Variants in WDR35 observed in about 807,000 individuals in gnomAD.
The protein encoded by WDR35 is WD repeat-containing protein 35.
A neutral mutation model predicts 158.3 loss-of-function variants in WDR35; 118 were observed. The ratio of observed to expected loss-of-function variants is 0.75; its 90% CI spans 0.64 to 0.87. The LOEUF is 0.87. Ranked by LOEUF, WDR35 falls within the 40% of genes least tolerant of loss-of-function variation. WDR35 has a pLI of 0.00. For missense variants in WDR35, 1,263 were observed against 1,405.8 expected (o/e 0.90, Z 1.62); for synonymous variants, 448 against 476.1 (o/e 0.94, Z 0.77).
chr2:19,937,994 G>A (rs1302059491), intron 18 of WDR35, 48 bp from the exon 19 acceptor site: 1 of 1,594,960 alleles, frequency 6.3e-7, no homozygotes. Flanking sequence ...GCAAATTACT[G>A]ACAAACTAGT....
At chr2:19,956,541 G>A (rs1671438675) in intron 11 of WDR35, among the ~76,000 whole-genome samples, 1 of 151,252 alleles carries the variant, frequency 6.6e-6, no homozygotes, top group South Asian at 2.1e-4. Flanking sequence ...GTTTAAGAGA[G>A]ATAACAATAT....
intron 4 of WDR35, among the ~76,000 whole-genome samples, chr2:19,979,617 T>C (rs1362884420): frequency 1.3e-5 from 2 of 152,198 alleles, no homozygotes; most frequent in African/African-American, 4.8e-5. Context: ...CATGGGCAAC[T>C]CTGGCCTGCA....
intron 22 of WDR35, 109 bp from the exon 23 acceptor site, chr2:19,932,556 T>C (rs1448325500): frequency 2.3e-6 from 3 of 1,328,146 alleles, no homozygotes; most frequent in Non-Finnish European, 3.2e-6. Flanking sequence ...ATTTCAAAAT[T>C]AAAAACTGGT....
chr2:19,913,576 G>A lies in WDR35; in HGVS notation c.3495C>T (p.Cys1165=), dbSNP rs1475940439. 1 of 1,613,814 alleles carries A rather than the reference G, an allele frequency of 6.2e-7. No individual in the cohort carries two copies. The highest frequency in any genetic ancestry group is 8.5e-7 in the Non-Finnish European group (1 of 1,179,946). The change falls in exon 27 of 27, where the codon TGC becomes TGT. Residue 1165 remains cysteine, a synonymous_variant. Coordinates refer to ENST00000281405, the MANE Select transcript of WDR35 (RefSeq NM_020779.4). ...CATTCCTTTATCCCACTGGACTATG[G>A]CATAAGGGGCAGAAGCTGTAGTGGC... ...EISHYSFCPL[C]HSPVG is the part of the protein sequence containing the mutation.
chr2:19,972,554 T>C (rs560534095), intron 8 of WDR35, among the ~76,000 whole-genome samples: 3 of 152,164 alleles, frequency 2.0e-5, no homozygotes, highest in African/African-American at 4.8e-5. Context: ...CCTTGAAAAC[T>C]ATGCTTTTTT....
chr2:19,938,179 G>C, intron 18 of WDR35, 86 bp downstream of exon 18: 1 of 1,551,388 alleles, frequency 6.4e-7, no homozygotes, highest in Non-Finnish European at 8.9e-7. Context: ...CTCCCATCAG[G>C]AGGATAGTAG....
chr2:19,957,973 C>T (rs572142978), intron 11 of WDR35, among the ~76,000 whole-genome samples: 5 of 152,340 alleles, frequency 3.3e-5, no homozygotes, highest in African/African-American at 9.6e-5. Context: ...TTGGAATTCA[C>T]ATATAAATAA....
chr2:19,940,572 A>T (rs1670840335), intron 17 of WDR35, among the ~76,000 whole-genome samples: 1 of 152,212 alleles, frequency 6.6e-6, no homozygotes, highest in South Asian at 2.1e-4. Context: ...AGGTAATAAC[A>T]GCCCAGACTC....
At chr2:19,953,767 CA>C in intron 12 of WDR35, 66 bp downstream of exon 12, 1 of 1,602,388 alleles carries the variant, frequency 6.2e-7, no homozygotes, top group South Asian at 1.1e-5. Flanking sequence ...TGACAATTTA[CA>C]ATTACTATGT....
Position 19,980,772 on chromosome 2 carries a change from C to CT in WDR35, c.225dup (p.Val76SerfsTer6). On this transcript the variant is annotated frameshift_variant, in exon 4 of 27. Transcript: ENST00000281405. LOFTEE classifies it high-confidence loss of function. The stretch of plus-strand genomic sequence containing the variant: ...TGATACTGCTCATTCCATGTTACAA[C>CT]TTGAACAGAACCTAGAACATTATAA... 1 of 1,613,680 alleles carries CT rather than the reference C, an allele frequency of 6.2e-7. No individual in the cohort carries two copies. The highest frequency in any genetic ancestry group is 1.1e-5 in the South Asian group (1 of 91,072).
chr2:19,948,622 A>T (rs1216950633), intron 13 of WDR35, among the ~76,000 whole-genome samples: 1 of 152,242 alleles, frequency 6.6e-6, no homozygotes, highest in Non-Finnish European at 1.5e-5. Flanking sequence ...AAATGTAAGA[A>T]GGCATTGCAC....
At chr2:19,942,289 A>G (rs1442719687) in intron 16 of WDR35, among the ~76,000 whole-genome samples, 1 of 152,196 alleles carries the variant, frequency 6.6e-6, no homozygotes, top group Non-Finnish European at 1.5e-5. Context: ...GATAAACACT[A>G]TATTTGTATG....
rs1558317170 is a variant in WDR35, at chr2:19,912,857, T to C, written c.*701A>G. 1 of 152,194 alleles carries C rather than the reference T, an allele frequency of 6.6e-6. No individual in the cohort carries two copies. Among genetic ancestry groups the C allele is most frequent in the Non-Finnish European group, 1.5e-5 (1 of 68,032 alleles). The allele number at this position is 152,194 out of a possible 1,614,324, so 9.4% of individuals were successfully genotyped here. ...TTCAACAGAAGCTATAACTACAAAA[T>C]GGATATTTCTGTTTAAGTTATCTTC... On this transcript the variant is annotated 3_prime_UTR_variant, in exon 27 of 27. Transcript: ENST00000281405.
rs1204495163 is a variant in WDR35, at chr2:19,913,648, G to A, written c.3423C>T (p.Phe1141=). 1 of 1,613,948 alleles carries A rather than the reference G, an allele frequency of 6.2e-7. No homozygotes were observed. Among genetic ancestry groups the A allele is most frequent in the Non-Finnish European group, 8.5e-7 (1 of 1,179,970 alleles). Residue 1141 remains phenylalanine (F), a synonymous_variant, in exon 27 of 27, where the codon TTC becomes TTT. Transcript: ENST00000281405. Reference sequence around the variant, plus strand: ...CGTGTTTGCATACACTGCACATCCAGAATTGATACTCAGTGATTGGGCTTC... The same window carrying A: ...CGTGTTTGCATACACTGCACATCCAAAATTGATACTCAGTGATTGGGCTTC... ...ATGSPITEYQ[F]WMCSVCKHGV...
At chr2:19,919,592 G>C (rs953417496) in intron 25 of WDR35, among the ~76,000 whole-genome samples, 3 of 152,124 alleles carry the variant, frequency 2.0e-5, no homozygotes, top group Admixed American at 6.5e-5. Flanking sequence ...GCAGTGTGTA[G>C]AGGAAAATTT....
intron 2 of WDR35, among the ~76,000 whole-genome samples, chr2:19,988,549 C>G (rs753909020): frequency 6.6e-6 from 1 of 152,140 alleles, no homozygotes; most frequent in Non-Finnish European, 1.5e-5. Context: ...TAGTAAGATC[C>G]TCAGCTAACT....
rs763793890 is a variant in WDR35 at position 19,932,399 on chromosome 2, C to A, written c.2707G>T (p.Gly903Ter). The change falls in exon 23 of 27, where the codon GGA (glycine) becomes TGA (stop). Residue 903 changes from glycine (G) to a stop codon, truncating the protein, a stop_gained. Transcript: ENST00000281405. LOFTEE classifies it high-confidence loss of function. Reference protein sequence around the residue: ...LAKNHSMKEIGSLLARYASHL... With the variant: ...LAKNHSMKEI ...GATGCATACCTAGCTAACAGAGATC[C>A]AATTTCTTTCATACTATGATTTTTA... 1 of 1,613,050 alleles carries A rather than the reference C, an allele frequency of 6.2e-7. No individual in the cohort carries two copies. The highest frequency in any genetic ancestry group is 8.5e-7 in the Non-Finnish European group (1 of 1,179,516).
intron 10 of WDR35, among the ~76,000 whole-genome samples, chr2:19,964,738 T>C (rs1021475122): frequency 3.9e-5 from 6 of 152,132 alleles, no homozygotes; most frequent in African/African-American, 1.4e-4. Context: ...TATTTTCCAT[T>C]TCCTTGTCCT....
intron 5 of WDR35, among the ~76,000 whole-genome samples, chr2:19,976,671 G>C (rs1166037661): frequency 1.3e-5 from 2 of 148,176 alleles, no homozygotes; most frequent in Non-Finnish European, 3.0e-5. Context: ...ATGGCCTGTT[G>C]CTAAAGCCAA....
Sources: gnomAD v4.1 joint callset for allele counts (sites outside exome capture counted in the v4.1 genomes callset) on GRCh38, gnomAD v4.1.1 for gene constraint, MANE v1.5 for transcripts, NCBI Gene and HGNC (gene_info 2026-07-23, HGNC 2026-07-21) for gene names.